PDE1A: variants seen among roughly 807,000 people sequenced by gnomAD.
PDE1A encodes the protein phosphodiesterase 1A, also known as dual specificity calcium/calmodulin-dependent 3',5'-cyclic nucleotide phosphodiesterase 1A.
A neutral mutation model predicts 61.7 loss-of-function variants in PDE1A; 35 were observed. The observed-to-expected ratio is 0.57, with a 90% CI of 0.43 to 0.75. PDE1A has a LOEUF of 0.75. Ranked by LOEUF, PDE1A falls within the 30% of genes least tolerant of loss-of-function variation. The pLI, the probability that PDE1A is intolerant of heterozygous loss-of-function variation, is 0.00. For synonymous variants in PDE1A, 232 were observed against 213.2 expected, an observed-to-expected ratio of 1.09 and a Z score of -0.77; for missense variants, 597 against 630.6, an observed-to-expected ratio of 0.95 and a Z score of 0.57.
chr2:182,716,277 G>C, the PDE1A span: 1 of 152,404 alleles, frequency 6.6e-6, no homozygotes, highest in African/African-American at 2.4e-5. Context: ...CGTGGAGACC[G>C]GCGCGTGAGG....
rs368271581 is a variant in PDE1A, at chr2:182,247,589, C to G, written c.168-7297G>C. Among the ~76,000 whole-genome samples, 72 of 152,246 alleles carry G rather than the reference C, an allele frequency of 4.7e-4. 2 individuals are homozygous for G. Among genetic ancestry groups the G allele is most frequent in the Non-Finnish European group, 7.4e-4 (50 of 68,020 alleles). Reference sequence around the variant, plus strand: ...CCGCCTTGTACTCTGTGTCTTCTTCCGTCTGATCAACATGAGCAGCTCCTC... The same window carrying G: ...CCGCCTTGTACTCTGTGTCTTCTTCGGTCTGATCAACATGAGCAGCTCCTC... On this transcript the variant is annotated intron_variant, in intron 2 of 13. Coordinates refer to ENST00000351439, the Ensembl canonical transcript of PDE1A.
intron 13 of PDE1A, among the ~76,000 whole-genome samples, chr2:182,170,664 T>A (rs906023751): frequency 6.6e-6 from 1 of 152,062 alleles, no homozygotes; most frequent in Admixed American, 6.6e-5. Context: ...TAGACCTAAG[T>A]TCTCACCTTG....
the PDE1A span, among the ~76,000 whole-genome samples, chr2:182,670,601 T>A: frequency 6.6e-6 from 1 of 152,154 alleles, no homozygotes; most frequent in Admixed American, 6.5e-5. Flanking sequence ...TGAATTAAAA[T>A]CTCTAGTGAT....
At chr2:182,358,285 G>A (rs1248789272) in intron 1 of PDE1A, among the ~76,000 whole-genome samples, 1 of 151,908 alleles carries the variant, frequency 6.6e-6, no homozygotes, top group African/African-American at 2.4e-5. Context: ...CTCCCTCAAG[G>A]TTCACTTAAC....
chr2:182,180,253 CAT>C (rs1421206408), intron 13 of PDE1A, among the ~76,000 whole-genome samples: 7 of 152,208 alleles, frequency 4.6e-5, no homozygotes, highest in South Asian at 2.1e-4. Context: ...ATATAAAGCA[CAT>C]GTTAGACATA....
chr2:182,370,206 A>T (rs1195673389), intron 1 of PDE1A, among the ~76,000 whole-genome samples: 1 of 152,158 alleles, frequency 6.6e-6, no homozygotes, highest in Non-Finnish European at 1.5e-5. Flanking sequence ...AAGAAAAGAA[A>T]AAAAGAAAGG....
At chr2:182,572,603 C>A in the PDE1A span, among the ~76,000 whole-genome samples, 1 of 152,140 alleles carries the variant, frequency 6.6e-6, no homozygotes, top group Non-Finnish European at 1.5e-5. Flanking sequence ...GAAAGATAGG[C>A]CAGGCGCGGT....
intron 1 of PDE1A, among the ~76,000 whole-genome samples, chr2:182,357,532 T>G (rs1699264830): frequency 6.6e-6 from 1 of 152,186 alleles, no homozygotes; most frequent in African/African-American, 2.4e-5. Context: ...GAGCTGTACT[T>G]GGTTATTTTA....
At chr2:182,538,527 G>A in the PDE1A span, among the ~76,000 whole-genome samples, 16 of 151,458 alleles carry the variant, frequency 1.1e-4, no homozygotes, top group East Asian at 3.1e-3. Context: ...TTTTTTGCTG[G>A]ACTCTATATT....
At chr2:182,549,668 T>C in the PDE1A span, among the ~76,000 whole-genome samples, 1 of 152,136 alleles carries the variant, frequency 6.6e-6, no homozygotes, top group Non-Finnish European at 1.5e-5. Flanking sequence ...TAAATAGACA[T>C]GGAATACAGA....
chr2:182,642,554 G>A, the PDE1A span, among the ~76,000 whole-genome samples: 3 of 152,170 alleles, frequency 2.0e-5, no homozygotes, highest in Non-Finnish European at 4.4e-5. Flanking sequence ...GTCAGGCCTG[G>A]AGGGTGTGCT....
chr2:182,483,988 G>A (rs1458005535), intron 2 of PDE1A, among the ~76,000 whole-genome samples: 3 of 151,760 alleles, frequency 2.0e-5, no homozygotes, highest in African/African-American at 7.2e-5. Flanking sequence ...ACAACTCTAT[G>A]CCAAAAAATT....
At chr2:182,658,047 T>TAAAA in the PDE1A span, among the ~76,000 whole-genome samples, 221 of 66,390 alleles carry the variant, frequency 3.3e-3, 1 homozygote, top group Middle Eastern at 0.012. Flanking sequence ...AGCTTCTCAG[T>TAAAA]AAAAAAAAAA....
intron 2 of PDE1A, among the ~76,000 whole-genome samples, chr2:182,476,974 C>T (rs1687407949): frequency 6.6e-6 from 1 of 150,880 alleles, no homozygotes; most frequent in African/African-American, 2.4e-5. Context: ...ACACATTTTG[C>T]CTCATGAAAG....
intron 2 of PDE1A, among the ~76,000 whole-genome samples, chr2:182,470,676 T>C (rs1017471736): frequency 2.6e-5 from 4 of 151,786 alleles, no homozygotes; most frequent in African/African-American, 4.8e-5. Flanking sequence ...ATTGAGATCT[T>C]AAGAATGGGA....
At chr2:182,156,477 AG>A (rs1691087102) in intron 13 of PDE1A, among the ~76,000 whole-genome samples, 1 of 152,122 alleles carries the variant, frequency 6.6e-6, no homozygotes, top group African/African-American at 2.4e-5. Context: ...TCTGACTCAA[AG>A]GGGAAAGTAT....
chr2:182,438,377 C>T (rs1305192530), intron 2 of PDE1A, among the ~76,000 whole-genome samples: 3 of 151,860 alleles, frequency 2.0e-5, no homozygotes, highest in Non-Finnish European at 4.4e-5. Context: ...AATGGGGCCA[C>T]CTCTAAGGCA....
intron 13 of PDE1A, among the ~76,000 whole-genome samples, chr2:182,182,476 A>C (rs76089838): frequency 0.026 from 3,913 of 152,248 alleles, 179 homozygotes; most frequent in African/African-American, 0.089. Flanking sequence ...TATGAACAAC[A>C]GCCTTCCTTC....
the PDE1A span, among the ~76,000 whole-genome samples, chr2:182,548,698 G>A: frequency 6.6e-6 from 1 of 152,086 alleles, no homozygotes; most frequent in Non-Finnish European, 1.5e-5. Flanking sequence ...ATCTGGGGTA[G>A]GTTAGGTCCC....
Sources: allele counts gnomAD v4.1 joint callset (sites outside exome capture counted in the v4.1 genomes callset), GRCh38; gene constraint gnomAD v4.1.1; transcripts MANE v1.5; gene names NCBI Gene and HGNC (gene_info 2026-07-23, HGNC 2026-07-21).